The following ERCC6L2 variants were observed in gnomAD, a reference collection of about 807,000 sequenced individuals.
The protein encoded by ERCC6L2 is ERCC excision repair 6 like 2, also known as DNA excision repair protein ERCC-6-like 2.
Under a neutral mutation model 132.0 loss-of-function variants are expected in ERCC6L2, and 77 were observed. That is an observed-to-expected ratio of 0.58 (90% CI 0.49 to 0.71). The LOEUF (loss-of-function observed/expected upper bound fraction) is 0.71. ERCC6L2 is among the 30% of genes least tolerant of loss of function. ERCC6L2 has a pLI of 0.00. For missense variants in ERCC6L2, 1,542 were observed against 1,837.6 expected (o/e 0.84, Z 2.94); for synonymous variants, 583 against 632.4 (o/e 0.92, Z 1.17).
intron 2 of ERCC6L2, among the ~76,000 whole-genome samples, chr9:95,894,286 G>GC (rs1369006649): frequency 6.6e-6 from 1 of 152,126 alleles, no homozygotes; most frequent in East Asian, 1.9e-4. Flanking sequence ...TTGAAAAATT[G>GC]CAAGTTGAGC....
chr9:95,902,379 A>G (rs1828823654), intron 3 of ERCC6L2, among the ~76,000 whole-genome samples: 1 of 152,150 alleles, frequency 6.6e-6, no homozygotes, highest in Non-Finnish European at 1.5e-5. Context: ...AATGCAAAAG[A>G]GGAGGATTTT....
chr9:96,005,129 C>T (rs934009720), intron 18 of ERCC6L2, among the ~76,000 whole-genome samples: 3 of 151,984 alleles, frequency 2.0e-5, no homozygotes, highest in Admixed American at 6.6e-5. Context: ...CTGGCTAATA[C>T]GGTGAAACCC....
chr9:95,932,152 C>T (rs1830368498), intron 11 of ERCC6L2, among the ~76,000 whole-genome samples: 1 of 151,952 alleles, frequency 6.6e-6, no homozygotes, highest in South Asian at 2.1e-4. Flanking sequence ...GCAACCTCCG[C>T]CTCCCGGATT....
At chr9:95,999,142 C>T (rs976726171) in intron 17 of ERCC6L2, among the ~76,000 whole-genome samples, 7 of 152,126 alleles carry the variant, frequency 4.6e-5, no homozygotes, top group Non-Finnish European at 8.8e-5. Context: ...AGGCAGATCA[C>T]GAAGTCAGGA....
intron 18 of ERCC6L2, 29 bp downstream of exon 18, chr9:96,004,730 G>A: frequency 1.6e-6 from 2 of 1,267,174 alleles, no homozygotes; most frequent in Non-Finnish European, 2.1e-6. Context: ...TACTATACTT[G>A]AAGAATAATT....
At chr9:95,955,493 C>A (rs2132982907) in intron 12 of ERCC6L2, among the ~76,000 whole-genome samples, 2 of 149,290 alleles carry the variant, frequency 1.3e-5, no homozygotes, top group African/African-American at 5.2e-5. Context: ...CCACCTCTCC[C>A]ATTCTTCCCC....
Position 96,013,790 on chromosome 9 carries a change from A to G in ERCC6L2, c.*587A>G, listed in dbSNP as rs945050464. The G allele has an allele frequency of 6.6e-6, 1 of 152,178 alleles. No individual in the cohort carries two copies. 9.4% of individuals were successfully genotyped at this position (152,178 alleles called of 1,614,324 possible). A position where few individuals can be genotyped will look rare whatever the true frequency, so the allele number is the denominator to read the frequency against. ...TGGTATATATAATATTAAAATGGTAATTTTGCAACAGCTCAAAATTAAAAG... is the reference window on the plus strand; with the variant it reads ...TGGTATATATAATATTAAAATGGTAGTTTTGCAACAGCTCAAAATTAAAAG... On this transcript the variant is annotated 3_prime_UTR_variant, in exon 19 of 19. Transcript: ENST00000653738.
chr9:95,954,765 C>A, intron 12 of ERCC6L2: 1 of 471,118 alleles, frequency 2.1e-6, no homozygotes, highest in Non-Finnish European at 4.4e-6. Context: ...GGATGCTGAG[C>A]CCCTCTCCTC....
At chr9:96,019,245 C>A (rs888935285), downstream of ERCC6L2, among the ~76,000 whole-genome samples, 3 of 152,280 alleles carry the variant, frequency 2.0e-5, no homozygotes, top group African/African-American at 4.8e-5. Flanking sequence ...TTCATATTTT[C>A]TCTTCTTTCC....
intron 17 of ERCC6L2, among the ~76,000 whole-genome samples, chr9:95,978,768 G>A (rs922869326): frequency 6.6e-6 from 1 of 152,008 alleles, no homozygotes; most frequent in Non-Finnish European, 1.5e-5. Context: ...ATATTTTCTT[G>A]TGTTTGGCTT....
Position 95,966,667 on chromosome 9 carries a change from T to C in ERCC6L2, c.2053T>C (p.Phe685Leu). ...AGAGCTTTTTGGGATCCATAACCTC[T>C]TCAAATTTAGGTCCCAAGGGTCTTG... ...QGELFGIHNL[F>L]KFRSQGSCLT... Residue 685 changes from phenylalanine (F) to leucine (L), a missense_variant, in exon 14 of 19, where the codon TTC (phenylalanine) becomes CTC (leucine). By Grantham distance (22) the Phe-to-Leu change is conservative (BLOSUM62 0). Around this residue, in one of 4 missense-constraint regions of ERCC6L2, gnomAD observed 945 missense variants for 1,105.2 expected, o/e 0.86. Coordinates refer to ENST00000653738, the MANE Select transcript of ERCC6L2 (RefSeq NM_020207.7). 1 of 1,520,950 alleles carries C rather than the reference T, an allele frequency of 6.6e-7. No individual in the cohort carries two copies. Among genetic ancestry groups the C allele is most frequent in the Non-Finnish European group, 9.0e-7 (1 of 1,116,392 alleles). The allele number at this position is 1,520,950 out of a possible 1,614,324, so 94.2% of individuals were successfully genotyped here.
intron 2 of ERCC6L2, among the ~76,000 whole-genome samples, chr9:95,883,264 A>C (rs1320510675): frequency 6.6e-6 from 1 of 152,100 alleles, no homozygotes; most frequent in Non-Finnish European, 1.5e-5. Context: ...TCCTAATTTT[A>C]ATCAGGGAGA....
At chr9:95,996,534 C>T (rs1407310498) in intron 17 of ERCC6L2, among the ~76,000 whole-genome samples, 1 of 152,232 alleles carries the variant, frequency 6.6e-6, no homozygotes, top group Non-Finnish European at 1.5e-5. Context: ...GGGGAGAAGT[C>T]AATGCCTGGC....
chr9:95,898,049 C>G, intron 3 of ERCC6L2, 78 bp downstream of exon 3: 1 of 1,281,518 alleles, frequency 7.8e-7, no homozygotes, highest in Non-Finnish European at 1.1e-6. Flanking sequence ...AAATATCACA[C>G]ATTAAAATGT....
rs779163400 is a variant in ERCC6L2, at chr9:96,012,386, C to T, written c.3836C>T (p.Ser1279Leu). Residue 1279 changes from serine (S) to leucine (L), a missense_variant, in exon 19 of 19, where the codon TCA becomes TTA. Transcript: ENST00000653738. Reference sequence around the variant, plus strand: ...AAAGAATTTTTTGTGGATTCTGTGTCACAATTCAACAATTCTTCCTTTGAG... The same window carrying T: ...AAAGAATTTTTTGTGGATTCTGTGTTACAATTCAACAATTCTTCCTTTGAG... ...EVKEFFVDSV[S>L]QFNNSSFEKG... The T allele has an allele frequency of 2.2e-6, 3 of 1,361,210 alleles. No individual in the cohort carries two copies. In the African/African-American group the frequency reaches 4.4e-5, roughly 20 times the overall value. The allele number at this position is 1,361,210 out of a possible 1,614,324, so 84.3% of individuals were successfully genotyped here. A position where few individuals can be genotyped will look rare whatever the true frequency, so the allele number is the denominator to read the frequency against.
At chr9:96,019,713 T>C (rs970810919), downstream of ERCC6L2, 4 of 152,220 alleles carry the variant, frequency 2.6e-5, no homozygotes, top group Admixed American at 6.5e-5. Flanking sequence ...TATGAAGAAA[T>C]ACCCGAGAAA....
intron 12 of ERCC6L2, among the ~76,000 whole-genome samples, chr9:95,946,269 C>G (rs1292029158): frequency 1.3e-5 from 2 of 152,306 alleles, no homozygotes; most frequent in Non-Finnish European, 2.9e-5. Context: ...TGGCTCACAC[C>G]TGTAATCCCA....
chr9:95,922,233 A>G, intron 7 of ERCC6L2, 72 bp from the exon 8 acceptor site: 1 of 683,592 alleles, frequency 1.5e-6, no homozygotes, highest in Non-Finnish European at 2.5e-6. Flanking sequence ...ATTGTAAGTG[A>G]TACATTTTAT....
At chr9:95,934,188 C>T (rs893463836) in intron 11 of ERCC6L2, among the ~76,000 whole-genome samples, 8 of 151,950 alleles carry the variant, frequency 5.3e-5, no homozygotes, top group Non-Finnish European at 1.0e-4. Flanking sequence ...TTTGGTTTTG[C>T]CTTTTCTTTG....
Sources: gnomAD v4.1 joint callset for allele counts (sites outside exome capture counted in the v4.1 genomes callset) on GRCh38, gnomAD v4.1.1 for gene constraint, gnomAD v4.1.1 regional missense constraint, MANE v1.5 for transcripts, NCBI Gene and HGNC (gene_info 2026-07-23, HGNC 2026-07-21) for gene names.